The following NTNG1 variants were observed in gnomAD, a reference collection of about 807,000 sequenced individuals.
The protein encoded by NTNG1 is netrin G1.
Under a neutral mutation model 54.0 loss-of-function variants are expected in NTNG1, and 16 were observed. The ratio of observed to expected loss-of-function variants is 0.30; its 90% CI spans 0.20 to 0.45. The LOEUF (loss-of-function observed/expected upper bound fraction) is 0.45. Ranked by LOEUF, NTNG1 falls within the 20% of genes least tolerant of loss-of-function variation. NTNG1 has a pLI of 1.00. For synonymous variants in NTNG1, 255 were observed against 263.1 expected, an observed-to-expected ratio of 0.97 and a Z score of 0.30; for missense variants, 530 against 678.7, an observed-to-expected ratio of 0.78 and a Z score of 2.43.
intron 2 of NTNG1, among the ~76,000 whole-genome samples, chr1:107,276,286 T>C (rs1423316499): frequency 6.6e-6 from 1 of 152,138 alleles, no homozygotes; most frequent in Admixed American, 6.5e-5. Context: ...GTATTAGCAG[T>C]CAATCATTAT....
intron 2 of NTNG1, among the ~76,000 whole-genome samples, chr1:107,273,796 T>C (rs1426629454): frequency 6.6e-6 from 1 of 152,236 alleles, no homozygotes; most frequent in South Asian, 2.1e-4. Flanking sequence ...AGTACCCCAG[T>C]TGGTGATCCC....
intron 2 of NTNG1, among the ~76,000 whole-genome samples, chr1:107,236,352 G>T (rs1435500444): frequency 6.6e-6 from 1 of 152,154 alleles, no homozygotes; most frequent in African/African-American, 2.4e-5. Flanking sequence ...GCAGAAGGAA[G>T]AGGTTATAAG....
At chr1:107,428,682 C>T (rs1425068346) in intron 5 of NTNG1, among the ~76,000 whole-genome samples, 1 of 152,000 alleles carries the variant, frequency 6.6e-6, no homozygotes, top group East Asian at 1.9e-4. Context: ...GGTTTCCTTC[C>T]TTCAACCACT....
chr1:107,160,004 G>A (rs1655293824), intron 2 of NTNG1, among the ~76,000 whole-genome samples: 1 of 152,106 alleles, frequency 6.6e-6, no homozygotes, highest in Admixed American at 6.6e-5. Context: ...AGCAACTGTT[G>A]GCTAGTTAAC....
chr1:107,398,305 G>A (rs1173864419), intron 4 of NTNG1, among the ~76,000 whole-genome samples: 1 of 152,128 alleles, frequency 6.6e-6, no homozygotes, highest in East Asian at 1.9e-4. Flanking sequence ...AAATAGGATG[G>A]TCAGTTTCTG....
chr1:107,155,355 A>T (rs1332525764), intron 2 of NTNG1, among the ~76,000 whole-genome samples: 2 of 151,844 alleles, frequency 1.3e-5, no homozygotes, highest in Non-Finnish European at 2.9e-5. Context: ...CCTATCTTTC[A>T]ATGTCTAGCT....
chr1:107,170,276 T>G (rs1384563064), intron 2 of NTNG1, among the ~76,000 whole-genome samples: 1 of 152,148 alleles, frequency 6.6e-6, no homozygotes, highest in Admixed American at 6.6e-5. Flanking sequence ...GAAGTAAAAA[T>G]GAAAGGGAGT....
At chr1:107,167,033 G>A (rs1037249967) in intron 2 of NTNG1, among the ~76,000 whole-genome samples, 1 of 152,076 alleles carries the variant, frequency 6.6e-6, no homozygotes, top group South Asian at 2.1e-4. Context: ...AGGACATTCT[G>A]TAATCCCAGC....
chr1:107,202,473 A>C (rs904505347), intron 2 of NTNG1, among the ~76,000 whole-genome samples: 1 of 151,848 alleles, frequency 6.6e-6, no homozygotes, highest in Non-Finnish European at 1.5e-5. Flanking sequence ...TACTACCACC[A>C]CTGCCAGTAC....
chr1:107,324,377 C>G lies in NTNG1; in HGVS notation c.342C>G (p.Pro114=). 1.9e-6 allele frequency: 3 copies of G among 1,613,830 alleles called. No individual in the cohort carries two copies. The highest frequency in any genetic ancestry group is 3.3e-4 in the Middle Eastern group (2 of 6,058). The part of the protein sequence containing the change: ...ELMFDFEGRH[P]STFWQSATWK... The stretch of plus-strand genomic sequence containing the variant: ...TGTTTGATTTTGAAGGAAGACATCC[C>G]TCCACATTTTGGCAGTCTGCCACTT... The change falls in exon 3 of 8, where the codon CCC becomes CCG. Residue 114 remains proline (P), a synonymous_variant. Coordinates refer to ENST00000370068, the MANE Select transcript of NTNG1 (RefSeq NM_001113226.3).
At chr1:107,395,112 C>A in intron 3 of NTNG1, 42 bp from the exon 4 acceptor site, 1 of 1,569,882 alleles carries the variant, frequency 6.4e-7, no homozygotes, top group South Asian at 1.2e-5. Flanking sequence ...TCACCAAGAC[C>A]AACTTATCTG....
chr1:107,261,917 A>C (rs969322066), intron 2 of NTNG1, among the ~76,000 whole-genome samples: 3 of 152,240 alleles, frequency 2.0e-5, no homozygotes, highest in African/African-American at 7.2e-5. Flanking sequence ...ACATTCTCAT[A>C]TGTAAGGTAA....
At chr1:107,317,983 T>C (rs1302682342) in intron 2 of NTNG1, among the ~76,000 whole-genome samples, 2 of 152,228 alleles carry the variant, frequency 1.3e-5, no homozygotes, top group Non-Finnish European at 2.9e-5. Flanking sequence ...ACTCATGTTC[T>C]GACAGATGCA....
chr1:107,443,842 C>T (rs1676135607), intron 7 of NTNG1, among the ~76,000 whole-genome samples: 2 of 152,038 alleles, frequency 1.3e-5, no homozygotes, highest in Admixed American at 6.6e-5. Flanking sequence ...CCAATAGCAC[C>T]TTGAACACAG....
At chr1:107,305,376 C>A (rs1666620778) in intron 2 of NTNG1, among the ~76,000 whole-genome samples, 1 of 152,188 alleles carries the variant, frequency 6.6e-6, no homozygotes, top group African/African-American at 2.4e-5. Flanking sequence ...CTTCCTATTT[C>A]TCCACATCCT....
chr1:107,343,010 C>A (rs192902167), intron 3 of NTNG1, among the ~76,000 whole-genome samples: 8 of 152,186 alleles, frequency 5.3e-5, no homozygotes, highest in Non-Finnish European at 1.0e-4. Flanking sequence ...TCAGTGTTTG[C>A]AACCTCCACC....
chr1:107,461,532 TTTTTTTTTTC>T (rs1028685535), intron 7 of NTNG1, among the ~76,000 whole-genome samples: 1 of 118,600 alleles, frequency 8.4e-6, no homozygotes, highest in Admixed American at 8.2e-5. Context: ...TCTTTTTTTC[TTTTTTTTTTC>T]TTTTTTTTTT....
chr1:107,210,421 G>T (rs565811105), intron 2 of NTNG1, among the ~76,000 whole-genome samples: 1 of 152,220 alleles, frequency 6.6e-6, no homozygotes, highest in South Asian at 2.1e-4. Context: ...ATAAAGAGAT[G>T]AAACTGCCAG....
At chr1:107,211,601 G>A (rs1167791182) in intron 2 of NTNG1, among the ~76,000 whole-genome samples, 2 of 152,058 alleles carry the variant, frequency 1.3e-5, no homozygotes, top group Non-Finnish European at 2.9e-5. Context: ...CTCATCCAGG[G>A]AATAAGCCCA....
Sources: gnomAD v4.1 joint callset for allele counts (sites outside exome capture counted in the v4.1 genomes callset) on GRCh38, gnomAD v4.1.1 for gene constraint, MANE v1.5 for transcripts, NCBI Gene and HGNC (gene_info 2026-07-23, HGNC 2026-07-21) for gene names.